LRRTM4: variants seen among roughly 807,000 people sequenced by gnomAD.
The protein encoded by LRRTM4 is leucine rich repeat transmembrane neuronal 4, also known as leucine-rich repeat transmembrane neuronal protein 4.
Under a neutral mutation model 47.6 loss-of-function variants are expected in LRRTM4, and 25 were observed. The ratio of observed to expected loss-of-function variants is 0.53; its 90% CI spans 0.38 to 0.73. The LOEUF (loss-of-function observed/expected upper bound fraction) is 0.73. Among genes scored for constraint, LRRTM4 ranks in the 30% least tolerant of loss-of-function variants. The pLI is 0.00. For missense variants in LRRTM4, 638 were observed against 713.4 expected, an observed-to-expected ratio of 0.89 and a Z score of 1.20; for synonymous variants, 311 against 269.5, an observed-to-expected ratio of 1.15 and a Z score of -1.51.
intron 3 of LRRTM4, among the ~76,000 whole-genome samples, chr2:77,206,494 A>AT (rs1233058837): frequency 2.0e-5 from 3 of 150,258 alleles, no homozygotes; most frequent in East Asian, 2.0e-4. Flanking sequence ...CTCAAAAAAG[A>AT]TTTTTTTTGA....
At chr2:77,227,141 C>T (rs914511065) in intron 3 of LRRTM4, among the ~76,000 whole-genome samples, 1 of 152,122 alleles carries the variant, frequency 6.6e-6, no homozygotes, top group East Asian at 1.9e-4. Flanking sequence ...ATCTCCATTA[C>T]TTTTGCAGCT....
intron 3 of LRRTM4, among the ~76,000 whole-genome samples, chr2:77,493,648 G>A (rs1409738788): frequency 6.6e-6 from 1 of 152,024 alleles, no homozygotes; most frequent in African/African-American, 2.4e-5. Flanking sequence ...ACTCATGTCT[G>A]TAGAAGTTAT....
intron 3 of LRRTM4, among the ~76,000 whole-genome samples, chr2:77,173,110 TTAATA>T (rs1673101898): frequency 6.6e-6 from 1 of 152,170 alleles, no homozygotes. Context: ...ACGATCTTGA[TTAATA>T]TGAGTGAAAA....
chr2:77,348,427 A>G (rs1046541715), intron 3 of LRRTM4, among the ~76,000 whole-genome samples: 1 of 150,956 alleles, frequency 6.6e-6, no homozygotes, highest in Non-Finnish European at 1.5e-5. Flanking sequence ...AGAAAAAGGG[A>G]AAATTATATA....
chr2:76,906,244 C>A (rs1435637999), intron 3 of LRRTM4, among the ~76,000 whole-genome samples: 1 of 151,974 alleles, frequency 6.6e-6, no homozygotes, highest in Non-Finnish European at 1.5e-5. Context: ...TCCAGCCAAA[C>A]TAAGCTTCAT....
chr2:76,884,389 C>T (rs1449764622), intron 3 of LRRTM4, among the ~76,000 whole-genome samples: 1 of 152,064 alleles, frequency 6.6e-6, no homozygotes, highest in Admixed American at 6.6e-5. Context: ...TTTTCACACA[C>T]AAAAATTATA....
At chr2:76,772,540 T>C (rs1673756421) in intron 3 of LRRTM4, among the ~76,000 whole-genome samples, 2 of 152,214 alleles carry the variant, frequency 1.3e-5, no homozygotes, top group Admixed American at 6.5e-5. Context: ...AAACTGAACA[T>C]GACAGTCTCA....
rs556081980 is a variant in LRRTM4 at position 77,360,047 on chromosome 2, A to G, written c.1551+158271T>C. On this transcript the variant is annotated intron_variant, in intron 3 of 3. Transcript: ENST00000409884. ...ATTTGTTAATATATTTGAGCAAGAG[A>G]AATCTTATGTTTTTTAGATAAGTAT... is the stretch of plus-strand genomic sequence containing the variant. Among the ~76,000 whole-genome samples the G allele has an allele frequency of 3.3e-5, 5 of 152,288 alleles. No individual in the cohort carries two copies. The East Asian group carries it at 5.8e-4, about 18-fold the overall frequency.
At chr2:77,512,014 T>C (rs1324286946) in intron 3 of LRRTM4, among the ~76,000 whole-genome samples, 1 of 152,166 alleles carries the variant, frequency 6.6e-6, no homozygotes, top group Non-Finnish European at 1.5e-5. Context: ...AGGCTATTCA[T>C]AGGCTCAAAC....
chr2:77,322,831 C>T (rs1194559052), intron 3 of LRRTM4, among the ~76,000 whole-genome samples: 1 of 148,992 alleles, frequency 6.7e-6, no homozygotes. Context: ...CATAAACTCT[C>T]TCTCTCTCTC....
chr2:77,365,495 T>C (rs1425692690), intron 3 of LRRTM4, among the ~76,000 whole-genome samples: 2 of 151,964 alleles, frequency 1.3e-5, no homozygotes, highest in Non-Finnish European at 2.9e-5. Context: ...AATCTAAGTT[T>C]GGACATCTCT....
At chr2:76,914,908 A>G (rs923494841) in intron 3 of LRRTM4, among the ~76,000 whole-genome samples, 2 of 152,214 alleles carry the variant, frequency 1.3e-5, no homozygotes, top group Non-Finnish European at 2.9e-5. Context: ...TAAGAGCAGA[A>G]AGAAAATGTC....
chr2:77,469,939 A>G (rs1369187708), intron 3 of LRRTM4, among the ~76,000 whole-genome samples: 4 of 152,170 alleles, frequency 2.6e-5, no homozygotes, highest in African/African-American at 9.7e-5. Context: ...TAATTTAAAC[A>G]AAGACTTTTT....
intron 3 of LRRTM4, among the ~76,000 whole-genome samples, chr2:76,753,132 A>G (rs1158504606): frequency 4.6e-5 from 7 of 152,198 alleles, no homozygotes; most frequent in Non-Finnish European, 2.9e-5. Flanking sequence ...GGATAGTTTA[A>G]ATCTGAAGTA....
At chr2:77,383,886 C>A (rs1673156815) in intron 3 of LRRTM4, among the ~76,000 whole-genome samples, 1 of 152,044 alleles carries the variant, frequency 6.6e-6, no homozygotes, top group African/African-American at 2.4e-5. Flanking sequence ...TAATCTGATT[C>A]ATTAAGACCT....
intron 3 of LRRTM4, among the ~76,000 whole-genome samples, chr2:77,196,260 G>A (rs949839348): frequency 1.3e-5 from 2 of 152,134 alleles, no homozygotes; most frequent in Non-Finnish European, 2.9e-5. Flanking sequence ...TTAGTGATAA[G>A]ATCAGGGTAA....
chr2:77,342,828 G>A (rs1396643814), intron 3 of LRRTM4, among the ~76,000 whole-genome samples: 2 of 139,538 alleles, frequency 1.4e-5, no homozygotes, highest in South Asian at 2.3e-4. Flanking sequence ...AAATACATCA[G>A]TGGTATGTTC....
intron 3 of LRRTM4, among the ~76,000 whole-genome samples, chr2:77,152,858 T>C (rs185708456): frequency 2.7e-3 from 407 of 152,308 alleles, no homozygotes; most frequent in Middle Eastern, 6.8e-3. Context: ...AGAGATGTTA[T>C]AATTTTAAGT....
chr2:77,457,308 TAAAGTC>T (rs982810744), intron 3 of LRRTM4, among the ~76,000 whole-genome samples: 3 of 151,916 alleles, frequency 2.0e-5, no homozygotes, highest in African/African-American at 4.8e-5. Context: ...TGGATAGGCT[TAAAGTC>T]ATTCTTGATT....
Sources: gnomAD v4.1 joint callset for allele counts (sites outside exome capture counted in the v4.1 genomes callset) on GRCh38, gnomAD v4.1.1 for gene constraint, MANE v1.5 for transcripts, NCBI Gene and HGNC (gene_info 2026-07-23, HGNC 2026-07-21) for gene names.